The following HSPBAP1 variants were observed in gnomAD, a reference collection of about 807,000 sequenced individuals.
HSPBAP1 encodes HSPB1-associated protein 1.
HSPBAP1 carries 27 observed loss-of-function variants against 45.2 expected under a neutral mutation model. The ratio of observed to expected loss-of-function variants is 0.60; its 90% CI spans 0.44 to 0.82. The LOEUF is 0.82. Among genes scored for constraint, HSPBAP1 ranks in the 40% least tolerant of loss-of-function variants. The pLI, the probability that HSPBAP1 is intolerant of heterozygous loss-of-function variation, is 0.00. For missense variants in HSPBAP1, 510 were observed against 590.9 expected, an observed-to-expected ratio of 0.86 and a Z score of 1.42; for synonymous variants, 204 against 202.7, an observed-to-expected ratio of 1.01 and a Z score of -0.06.
intron 1 of HSPBAP1, among the ~76,000 whole-genome samples, chr3:122,786,873 A>G (rs1036530926): frequency 2.0e-5 from 3 of 152,244 alleles, no homozygotes; most frequent in African/African-American, 7.2e-5. Context: ...GCTTCTGATA[A>G]TTTAATCAAC....
intron 6 of HSPBAP1, 52 bp from the exon 7 acceptor site, chr3:122,741,165 A>G: frequency 7.8e-7 from 1 of 1,277,762 alleles, no homozygotes. Flanking sequence ...TGGCTTTTTA[A>G]GAGATAATAA....
In HSPBAP1 at chr3:122,752,602, A is replaced by C; in HGVS notation, c.814T>G (p.Trp272Gly). The C allele has an allele frequency of 1.3e-6, 2 of 1,578,202 alleles. No homozygotes were observed. Among genetic ancestry groups the C allele is most frequent in the Non-Finnish European group, 1.7e-6 (2 of 1,162,990 alleles). The change falls in exon 6 of 8, where the codon TGG (tryptophan) becomes GGG (glycine). Residue 272 changes from tryptophan to glycine, a missense_variant. By Grantham distance (184) the Trp-to-Gly change is radical. Transcript: ENST00000306103. ...IDPVTVSINS[W>G]IELEEDHLAR... ...CAACGAAAAAGTACCAGTTCAATCC[A>C]TGAGTTTATACTGACAGTGACAGGA... is the stretch of plus-strand genomic sequence containing the variant.
rs942999475 is a variant in HSPBAP1, at chr3:122,781,925, T to G, written c.65-4019A>C. On this transcript the variant is annotated intron_variant, in intron 1 of 7. Transcript: ENST00000306103. ...TTTGCTATTGTGAATAATGCTGTGA[T>G]AAACACATGAAGGCAGGTGAAAAGA... Among the ~76,000 whole-genome samples the G allele has an allele frequency of 7.9e-5, 12 of 152,350 alleles. No homozygotes were observed. The East Asian group carries it at 2.1e-3, about 27-fold the overall frequency.
rs753167541 is a variant in HSPBAP1, at chr3:122,752,598, A to G, written c.818T>C (p.Ile273Thr). ...DPVTVSINSW[I>T]ELEEDHLARV... ...AAAACAACGAAAAAGTACCAGTTCA[A>G]TCCATGAGTTTATACTGACAGTGAC... Residue 273 changes from isoleucine to threonine, a missense_variant, in exon 6 of 8, where the codon ATT (isoleucine) becomes ACT (threonine). Ile to Thr is a moderately conservative substitution (Grantham distance 89, BLOSUM62 -1). Coordinates refer to ENST00000306103, the MANE Select transcript of HSPBAP1 (RefSeq NM_024610.6). The G allele has an allele frequency of 1.9e-6, 3 of 1,578,874 alleles. 1 individual carries two copies. The highest frequency in any genetic ancestry group is 2.4e-5 in the South Asian group (2 of 85,032).
intron 1 of HSPBAP1, among the ~76,000 whole-genome samples, chr3:122,793,357 A>C (rs1319182714): frequency 1.5e-4 from 23 of 152,270 alleles, no homozygotes; most frequent in Non-Finnish European, 2.9e-5. Context: ...AATGATGGGC[A>C]AATATAAAAC....
chr3:122,740,810 A>G lies in HSPBAP1; in HGVS notation c.1002T>C (p.Asp334=). The change falls in exon 8 of 8, where the codon GAT becomes GAC. Residue 334 remains aspartate (D), a synonymous_variant. Transcript: ENST00000306103. ...YLNAAVSAFF[D]RCRTSEVVEI... is the part of the protein sequence containing the mutation. ...CTACTACCTCAGATGTTCTGCAGCG[A>G]TCAAAAAATGCAGAAACAGCTGCAT... 1 of 1,614,092 alleles carries G rather than the reference A, an allele frequency of 6.2e-7. No homozygotes were observed. Among genetic ancestry groups the G allele is most frequent in the Non-Finnish European group, 8.5e-7 (1 of 1,180,032 alleles).
intron 6 of HSPBAP1, among the ~76,000 whole-genome samples, chr3:122,747,118 T>C (rs542244203): frequency 0.022 from 3,367 of 151,714 alleles, 57 homozygotes; most frequent in Middle Eastern, 0.051. Flanking sequence ...CCGCCTATCG[T>C]CTGGGATGTG....
intron 1 of HSPBAP1, among the ~76,000 whole-genome samples, chr3:122,789,017 A>G (rs1485371909): frequency 6.6e-6 from 1 of 152,204 alleles, no homozygotes; most frequent in Non-Finnish European, 1.5e-5. Context: ...GAAATTAAAA[A>G]TTTTATCTAC....
intron 2 of HSPBAP1, among the ~76,000 whole-genome samples, chr3:122,772,010 C>A (rs533027782): frequency 6.6e-6 from 1 of 152,298 alleles, no homozygotes; most frequent in South Asian, 2.1e-4. Context: ...CACACAGAAA[C>A]AACTGGCTTT....
At chr3:122,778,225 T>TTTG (rs1935258203) in intron 1 of HSPBAP1, among the ~76,000 whole-genome samples, 1 of 151,194 alleles carries the variant, frequency 6.6e-6, no homozygotes, top group Non-Finnish European at 1.5e-5. Context: ...GTTGTTTTTT[T>TTTG]TTTTTAATGT....
chr3:122,789,552 T>C, intron 1 of HSPBAP1, among the ~76,000 whole-genome samples: 2 of 152,368 alleles, frequency 1.3e-5, no homozygotes, highest in Middle Eastern at 6.8e-3. Context: ...CAATATCACA[T>C]TCTTGAAGGC....
chr3:122,755,572 T>C (rs1432956598), intron 4 of HSPBAP1, 141 bp from the exon 5 acceptor site: 5 of 545,140 alleles, frequency 9.2e-6, no homozygotes, highest in Non-Finnish European at 1.5e-5. Flanking sequence ...AGTGGTCACC[T>C]GTCCATCTCT....
At chr3:122,781,356 C>T (rs577908969) in intron 1 of HSPBAP1, among the ~76,000 whole-genome samples, 285 of 152,308 alleles carry the variant, frequency 1.9e-3, no homozygotes, top group Non-Finnish European at 3.0e-3. Flanking sequence ...AGCTGGAGAC[C>T]GGCCCGGCCA....
At chr3:122,773,105 C>A (rs1419455331) in intron 2 of HSPBAP1, among the ~76,000 whole-genome samples, 3 of 151,960 alleles carry the variant, frequency 2.0e-5, no homozygotes, top group Non-Finnish European at 2.9e-5. Flanking sequence ...TCTGTCTAGG[C>A]CTCCTACAGT....
chr3:122,764,399 T>C (rs1934704154), intron 3 of HSPBAP1, among the ~76,000 whole-genome samples: 1 of 152,198 alleles, frequency 6.6e-6, no homozygotes, highest in Non-Finnish European at 1.5e-5. Flanking sequence ...TGGTAAGAAA[T>C]TCTTAATCTC....
intron 1 of HSPBAP1, among the ~76,000 whole-genome samples, chr3:122,778,512 CTTTTTTTTTTATTT>C (rs1935269954): frequency 8.0e-6 from 1 of 124,954 alleles, no homozygotes; most frequent in Admixed American, 8.4e-5. Flanking sequence ...TCTAGTATTT[CTTTTTTTTTTATTT>C]TTTTTTTTTT....
chr3:122,780,120 G>C (rs1397299434), intron 1 of HSPBAP1, among the ~76,000 whole-genome samples: 1 of 144,794 alleles, frequency 6.9e-6, no homozygotes, highest in African/African-American at 2.5e-5. Context: ...GGACGGGGCG[G>C]CTGGCCGGGC....
intron 2 of HSPBAP1, among the ~76,000 whole-genome samples, chr3:122,775,508 G>T (rs1031537503): frequency 6.6e-6 from 1 of 152,012 alleles, no homozygotes; most frequent in African/African-American, 2.4e-5. Flanking sequence ...TAGAGACGGG[G>T]TTTCACCATG....
At chr3:122,778,272 G>A (rs1420139034) in intron 1 of HSPBAP1, among the ~76,000 whole-genome samples, 2 of 144,610 alleles carry the variant, frequency 1.4e-5, no homozygotes, top group African/African-American at 5.1e-5. Flanking sequence ...TAGAAATTAT[G>A]ATTTAACTTA....
Sources: gnomAD v4.1 joint callset for allele counts (sites outside exome capture counted in the v4.1 genomes callset) on GRCh38, gnomAD v4.1.1 for gene constraint, MANE v1.5 for transcripts, NCBI Gene and HGNC (gene_info 2026-07-23, HGNC 2026-07-21) for gene names.